The following SPOCK1 variants were observed in gnomAD, a reference collection of about 807,000 sequenced individuals.
The protein encoded by SPOCK1 is SPARC (osteonectin), cwcv and kazal like domains proteoglycan 1.
SPOCK1 carries 23 observed loss-of-function variants against 55.3 expected under a neutral mutation model. The observed-to-expected ratio is 0.42, with a 90% CI of 0.30 to 0.59. The LOEUF is 0.59. Ranked by LOEUF, SPOCK1 falls within the 20% of genes least tolerant of loss-of-function variation. The pLI, the probability that SPOCK1 is intolerant of heterozygous loss-of-function variation, is 0.22. For synonymous variants in SPOCK1, 226 were observed against 221.0 expected (o/e 1.02, Z -0.20); for missense variants, 499 against 552.5 (o/e 0.90, Z 0.97).
chr5:137,122,897 G>A (rs1218124089), intron 4 of SPOCK1, among the ~76,000 whole-genome samples: 1 of 152,216 alleles, frequency 6.6e-6, no homozygotes, highest in Non-Finnish European at 1.5e-5. Flanking sequence ...ACCTGTAATT[G>A]TTTTCTGGTC....
At chr5:137,466,932 T>G (rs1048551998) in intron 2 of SPOCK1, among the ~76,000 whole-genome samples, 2 of 152,258 alleles carry the variant, frequency 1.3e-5, no homozygotes, top group Non-Finnish European at 2.9e-5. Context: ...TCAAGGGATC[T>G]GCCAAGGTTT....
At chr5:137,400,785 A>T (rs980567943) in intron 2 of SPOCK1, among the ~76,000 whole-genome samples, 2 of 152,200 alleles carry the variant, frequency 1.3e-5, no homozygotes, top group Admixed American at 6.5e-5. Flanking sequence ...CTGCATGGGC[A>T]AACACCCAAA....
rs551246271 is a variant in SPOCK1 at position 137,367,529 on chromosome 5, A to G, written c.187-100474T>C. Among the ~76,000 whole-genome samples, 8 of 152,346 alleles carry G rather than the reference A, an allele frequency of 5.3e-5. No homozygotes were observed. The South Asian group carries it at 1.5e-3, about 28-fold the overall frequency. On this transcript the variant is annotated intron_variant, in intron 2 of 10. Coordinates refer to ENST00000394945, the MANE Select transcript of SPOCK1 (RefSeq NM_004598.4). Reference sequence around the variant, plus strand: ...AAAAATATAAATAACTCAATTTGAGACATGCCTCAGGAACATTAAATTTGA... The same window carrying G: ...AAAAATATAAATAACTCAATTTGAGGCATGCCTCAGGAACATTAAATTTGA...
chr5:137,468,923 A>G (rs903562266), intron 2 of SPOCK1, among the ~76,000 whole-genome samples: 6 of 152,152 alleles, frequency 3.9e-5, no homozygotes, highest in African/African-American at 1.4e-4. Flanking sequence ...CCTCATCACA[A>G]TTAAGGCCCA....
intron 2 of SPOCK1, among the ~76,000 whole-genome samples, chr5:137,392,239 CA>C (rs1751739715): frequency 6.6e-6 from 1 of 152,176 alleles, no homozygotes; most frequent in Non-Finnish European, 1.5e-5. Context: ...CCAGATCCCC[CA>C]AGTCCACGGC....
chr5:137,453,150 A>C (rs1753292673), intron 2 of SPOCK1, among the ~76,000 whole-genome samples: 1 of 152,206 alleles, frequency 6.6e-6, no homozygotes, highest in African/African-American at 2.4e-5. Flanking sequence ...AGAAAAAATA[A>C]GGCACGCTTC....
At chr5:137,136,116 T>G (rs185496962) in intron 4 of SPOCK1, among the ~76,000 whole-genome samples, 1 of 152,362 alleles carries the variant, frequency 6.6e-6, no homozygotes, top group East Asian at 1.9e-4. Context: ...TTGCTTTTCT[T>G]TTTGCATTAC....
chr5:137,424,774 C>T (rs1012481276), intron 2 of SPOCK1, among the ~76,000 whole-genome samples: 4 of 152,124 alleles, frequency 2.6e-5, no homozygotes, highest in South Asian at 4.1e-4. Context: ...TCCACTTATA[C>T]ATAAAATTTA....
chr5:137,274,936 G>C (rs1757033558), intron 2 of SPOCK1, among the ~76,000 whole-genome samples: 3 of 152,178 alleles, frequency 2.0e-5, no homozygotes, highest in African/African-American at 2.4e-5. Context: ...TTTGTGCATT[G>C]AGTGTGGCAT....
rs565152069 is a variant in SPOCK1 at position 137,094,838 on chromosome 5, C to T, written c.474+17597G>A. On this transcript the variant is annotated intron_variant, in intron 5 of 10. Coordinates refer to ENST00000394945, the MANE Select transcript of SPOCK1 (RefSeq NM_004598.4). ...AATAACTTTTCATTTGCACTTACAA[C>T]TTGGCTTGGCACAAGAGGCCTGGCT... is the stretch of plus-strand genomic sequence containing the variant. 5.3e-5 allele frequency among the ~76,000 whole-genome samples: 8 copies of T among 152,356 alleles called. No individual in the cohort carries two copies. The East Asian group carries it at 1.5e-3, about 29-fold the overall frequency.
At chr5:137,170,854 G>A (rs1754742268) in intron 3 of SPOCK1, among the ~76,000 whole-genome samples, 1 of 152,106 alleles carries the variant, frequency 6.6e-6, no homozygotes, top group Non-Finnish European at 1.5e-5. Context: ...TCATTTTAAA[G>A]ATAAGGAAAC....
intron 2 of SPOCK1, among the ~76,000 whole-genome samples, chr5:137,380,617 T>C (rs1751442398): frequency 6.6e-6 from 1 of 152,176 alleles, no homozygotes; most frequent in African/African-American, 2.4e-5. Context: ...CTTCACATGG[T>C]GGCAGAGGAG....
At chr5:137,430,996 A>G (rs577489451) in intron 2 of SPOCK1, among the ~76,000 whole-genome samples, 1 of 152,146 alleles carries the variant, frequency 6.6e-6, no homozygotes, top group Non-Finnish European at 1.5e-5. Flanking sequence ...AGACAGTCCA[A>G]GCTAGTTTGG....
At chr5:137,161,504 C>A (rs73297902) in intron 3 of SPOCK1, among the ~76,000 whole-genome samples, 7,375 of 151,728 alleles carry the variant, frequency 0.049, 330 homozygotes, top group East Asian at 0.14. Flanking sequence ...ATTGCTTAGG[C>A]TATAAAATCA....
chr5:137,380,676 A>C (rs1446081507), intron 2 of SPOCK1, among the ~76,000 whole-genome samples: 4 of 152,172 alleles, frequency 2.6e-5, no homozygotes, highest in Admixed American at 2.0e-4. Flanking sequence ...AGATCTCATG[A>C]GAATTTACTC....
chr5:137,024,314 A>AGGGGGG (rs10692964), intron 6 of SPOCK1, among the ~76,000 whole-genome samples: 17 of 119,124 alleles, frequency 1.4e-4, no homozygotes, highest in East Asian at 2.5e-4. Context: ...ACCAGTTTGA[A>AGGGGGG]GGGGGGGGGG....
chr5:137,350,671 A>G (rs991613585), intron 2 of SPOCK1, among the ~76,000 whole-genome samples: 4 of 152,112 alleles, frequency 2.6e-5, no homozygotes, highest in African/African-American at 9.7e-5. Flanking sequence ...TTTCTAGTTC[A>G]TGATTCCTCA....
chr5:137,029,726 G>A (rs1329627894), intron 6 of SPOCK1, among the ~76,000 whole-genome samples: 2 of 152,218 alleles, frequency 1.3e-5, no homozygotes, highest in African/African-American at 4.8e-5. Flanking sequence ...TAGGTATGGT[G>A]GCTCATGCCT....
At position 136,977,707 on chromosome 5, in the gene SPOCK1, G is replaced by T. The variant is rs530150645; in HGVS notation, c.*947C>A. 3.8e-5 allele frequency: 15 copies of T among 398,558 alleles called. No homozygotes were observed. Among genetic ancestry groups the T allele is most frequent in the African/African-American group, 2.3e-4 (11 of 48,698 alleles). The allele number at this position is 398,558 out of a possible 1,614,324, so 24.7% of individuals were successfully genotyped here. On this transcript the variant is annotated 3_prime_UTR_variant, in exon 11 of 11. Coordinates refer to ENST00000394945, the MANE Select transcript of SPOCK1 (RefSeq NM_004598.4). ...GCCCGTGTCGTGTGGGAGTCGCATGGCTTCTGCGAGAAAAGTGATTTAGGC... is the reference window on the plus strand; with the variant it reads ...GCCCGTGTCGTGTGGGAGTCGCATGTCTTCTGCGAGAAAAGTGATTTAGGC...
Sources: gnomAD v4.1 joint callset for allele counts (sites outside exome capture counted in the v4.1 genomes callset) on GRCh38, gnomAD v4.1.1 for gene constraint, MANE v1.5 for transcripts, NCBI Gene and HGNC (gene_info 2026-07-23, HGNC 2026-07-21) for gene names.